PARD6G: variants seen among roughly 807,000 people sequenced by gnomAD.
PARD6G encodes the protein partitioning defective 6 homolog gamma.
Under a neutral mutation model 10.7 loss-of-function variants are expected in PARD6G, and 7 were observed. The observed-to-expected ratio is 0.66, with a 90% CI of 0.37 to 1.23. PARD6G has a LOEUF of 1.23. Among genes scored for constraint, PARD6G ranks in the 50% most tolerant of loss-of-function variants. PARD6G has a pLI of 0.02. For missense variants in PARD6G, 548 were observed against 571.8 expected (o/e 0.96, Z 0.42); for synonymous variants, 287 against 269.4 (o/e 1.07, Z -0.64).
Position 80,192,465 on chromosome 18 carries a change from G to C in PARD6G, c.295+10245C>G, listed in dbSNP as rs1045379322. Among the ~76,000 whole-genome samples, 3 of 150,198 alleles carry C rather than the reference G, an allele frequency of 2.0e-5. No individual in the cohort carries two copies. The highest frequency in any genetic ancestry group is 4.4e-5 in the Non-Finnish European group (3 of 67,438). On this transcript the variant is annotated intron_variant, in intron 2 of 2. Transcript: ENST00000353265. This position sits in a 1 kb window ranked among gnomAD's most constrained non-coding sequence, Gnocchi z 4.9. Reference sequence around the variant, plus strand: ...AGCAGGTGCCACGGCGGGAGCCCAGGGGACGGGGGAGAGCAGGTGCCACGG... The same window carrying C: ...AGCAGGTGCCACGGCGGGAGCCCAGCGGACGGGGGAGAGCAGGTGCCACGG...
At chr18:80,223,210 T>C (rs975904161) in intron 1 of PARD6G, among the ~76,000 whole-genome samples, 2 of 152,132 alleles carry the variant, frequency 1.3e-5, no homozygotes, top group African/African-American at 4.8e-5. Flanking sequence ...AGTTAGGCAA[T>C]AATTTCTTAA....
chr18:80,216,529 A>C (rs1001756510), intron 1 of PARD6G, among the ~76,000 whole-genome samples: 1 of 152,194 alleles, frequency 6.6e-6, no homozygotes. Flanking sequence ...TATGGAATTA[A>C]AAAGAAATCA....
At chr18:80,220,258 T>A (rs917446717) in intron 1 of PARD6G, among the ~76,000 whole-genome samples, 2 of 152,150 alleles carry the variant, frequency 1.3e-5, no homozygotes, top group African/African-American at 4.8e-5. Context: ...AAAAACAGCA[T>A]AGAGGTAACT....
intron 2 of PARD6G, among the ~76,000 whole-genome samples, chr18:80,174,791 A>G (rs1235781663): frequency 1.3e-5 from 2 of 152,030 alleles, no homozygotes; most frequent in Admixed American, 6.6e-5. Context: ...CGTCTCTACT[A>G]AAAATACAAA....
rs1476022848 is a variant in PARD6G at position 80,184,463 on chromosome 18, G to A, written c.295+18247C>T. 1.3e-5 allele frequency: 2 copies of A among 152,394 alleles called. No homozygotes were observed. The highest frequency in any genetic ancestry group is 1.3e-4 in the Admixed American group (2 of 15,290). 9.4% of individuals were successfully genotyped at this position (152,394 alleles called of 1,614,324 possible). ...GGGGTCTCAGCCACAGAGGGAGCAAGGCCGTGAAACCTGCAGCGGGAGCAA... is the reference window on the plus strand; with the variant it reads ...GGGGTCTCAGCCACAGAGGGAGCAAAGCCGTGAAACCTGCAGCGGGAGCAA... On this transcript the variant is annotated intron_variant, in intron 2 of 2. Coordinates refer to ENST00000353265, the MANE Select transcript of PARD6G (RefSeq NM_032510.4). This position sits in a 1 kb window ranked among gnomAD's most constrained non-coding sequence, Gnocchi z 4.5.
At chr18:80,217,223 T>C (rs1599869037) in intron 1 of PARD6G, among the ~76,000 whole-genome samples, 1 of 152,214 alleles carries the variant, frequency 6.6e-6, no homozygotes, top group East Asian at 1.9e-4. Context: ...TAATTCAAAG[T>C]ACAAATAAAA....
chr18:80,220,098 C>A (rs546520376), intron 1 of PARD6G, among the ~76,000 whole-genome samples: 1 of 152,240 alleles, frequency 6.6e-6, no homozygotes, highest in South Asian at 2.1e-4. Context: ...TTCTGCAAGG[C>A]TGGGGAGGCC....
intron 1 of PARD6G, among the ~76,000 whole-genome samples, chr18:80,221,220 C>A (rs1344480979): frequency 6.6e-6 from 1 of 152,128 alleles, no homozygotes; most frequent in Admixed American, 6.5e-5. Context: ...ATGAGGTCAG[C>A]TTTCACCTGA....
Position 80,161,707 on chromosome 18 carries a change from A to C in PARD6G, c.296-1101T>G, listed in dbSNP as rs891498160. 2.6e-5 allele frequency: 4 copies of C among 152,238 alleles called. No homozygotes were observed. Among genetic ancestry groups the C allele is most frequent in the Non-Finnish European group, 5.9e-5 (4 of 68,070 alleles). 9.4% of individuals were successfully genotyped at this position (152,238 alleles called of 1,614,324 possible). A position where few individuals can be genotyped will look rare whatever the true frequency, so the allele number is the denominator to read the frequency against. Reference sequence around the variant, plus strand: ...GTCCTGTGGAGTTGGTGGCATCCACAGCAGCCTGCTCTTTGGGCTGGGGAG... The same window carrying C: ...GTCCTGTGGAGTTGGTGGCATCCACCGCAGCCTGCTCTTTGGGCTGGGGAG... On this transcript the variant is annotated intron_variant, in intron 2 of 2. Coordinates refer to ENST00000353265, the MANE Select transcript of PARD6G (RefSeq NM_032510.4). The surrounding 1 kb of genome is among the most constrained non-coding windows in gnomAD (Gnocchi z 4.6).
In PARD6G at chr18:80,189,840, G is replaced by A. The variant is rs940141561; in HGVS notation, c.295+12870C>T. 6.6e-6 allele frequency among the ~76,000 whole-genome samples: 1 copy of A among 152,178 alleles called. No homozygotes were observed. Among genetic ancestry groups the A allele is most frequent in the Non-Finnish European group, 1.5e-5 (1 of 68,038 alleles). ...GAGGCTCAAAGGCAAATGAAATACTGCTGTCAGAAGAATTTTTAAACAGCT... is the reference window on the plus strand; with the variant it reads ...GAGGCTCAAAGGCAAATGAAATACTACTGTCAGAAGAATTTTTAAACAGCT... On this transcript the variant is annotated intron_variant, in intron 2 of 2. Transcript: ENST00000353265. The surrounding 1 kb of genome is among the most constrained non-coding windows in gnomAD (Gnocchi z 5.5).
intron 1 of PARD6G, among the ~76,000 whole-genome samples, chr18:80,226,457 C>T (rs1296440166): frequency 1.3e-5 from 2 of 152,142 alleles, no homozygotes; most frequent in African/African-American, 4.8e-5. Context: ...AGGCTTGAGA[C>T]TTAGCTTTTA....
At position 80,200,945 on chromosome 18, in the gene PARD6G, A is replaced by T. The variant is rs1967001679; in HGVS notation, c.295+1765T>A. On this transcript the variant is annotated intron_variant, in intron 2 of 2. Transcript: ENST00000353265. This position sits in a 1 kb window ranked among gnomAD's most constrained non-coding sequence, Gnocchi z 4.4. The stretch of plus-strand genomic sequence containing the variant: ...GCTCCACAGTCAGCGGGACAAAAAG[A>T]CTTGTTTCCTGCACGATGGGCAACA... 6.6e-6 allele frequency among the ~76,000 whole-genome samples: 1 copy of T among 152,182 alleles called. No homozygotes were observed. Among genetic ancestry groups the T allele is most frequent in the Non-Finnish European group, 1.5e-5 (1 of 68,036 alleles).
rs985285540 is a variant in PARD6G at position 80,247,108 on chromosome 18, C to T, written c.72+169G>A. On this transcript the variant is annotated intron_variant, in intron 1 of 2. Coordinates refer to ENST00000353265, the MANE Select transcript of PARD6G (RefSeq NM_032510.4). This position sits in a 1 kb window ranked among gnomAD's most constrained non-coding sequence, Gnocchi z 4.2. ...GTGTCCGCGCGGGGGGCGGGAAGGA[C>T]GGCCGGGGTCCCCAGTGCGCGTCCC... Among the ~76,000 whole-genome samples the T allele has an allele frequency of 6.6e-6, 1 of 152,020 alleles. No individual in the cohort carries two copies. The highest frequency in any genetic ancestry group is 2.4e-5 in the African/African-American group (1 of 41,410).
intron 2 of PARD6G, among the ~76,000 whole-genome samples, chr18:80,196,752 G>A (rs1966959463): frequency 1.3e-5 from 2 of 152,086 alleles, no homozygotes; most frequent in South Asian, 4.2e-4. Flanking sequence ...GGGGGCCTCT[G>A]GCTCTGTTTC....
intron 2 of PARD6G, among the ~76,000 whole-genome samples, chr18:80,199,408 G>A (rs188769417): frequency 2.0e-5 from 3 of 152,130 alleles, no homozygotes; most frequent in Non-Finnish European, 4.4e-5. Flanking sequence ...ACGCACATGC[G>A]CACACTTTTT....
rs532571878 is a variant in PARD6G, at chr18:80,198,262, C to T, written c.295+4448G>A. Among the ~76,000 whole-genome samples, 58 of 152,310 alleles carry T rather than the reference C, an allele frequency of 3.8e-4. No individual in the cohort carries two copies. The South Asian group carries it at 0.012, about 30-fold the overall frequency. ...CTGGTATAAGCCGAGAGCCCTTTAG[C>T]AATCTGATGATGCTAGGGAACACCT... is the stretch of plus-strand genomic sequence containing the variant. On this transcript the variant is annotated intron_variant, in intron 2 of 2. Coordinates refer to ENST00000353265, the MANE Select transcript of PARD6G (RefSeq NM_032510.4).
At chr18:80,194,475 C>T (rs552409804) in intron 2 of PARD6G, among the ~76,000 whole-genome samples, 43 of 152,170 alleles carry the variant, frequency 2.8e-4, no homozygotes, top group Middle Eastern at 3.4e-3. Context: ...GAGAGTCACA[C>T]GATAATTTTA....
chr18:80,190,518 C>T (rs1406861609), intron 2 of PARD6G, among the ~76,000 whole-genome samples: 1 of 152,224 alleles, frequency 6.6e-6, no homozygotes, highest in East Asian at 1.9e-4. Context: ...GAGCACACAG[C>T]TGCTTCTCCA....
intron 2 of PARD6G, among the ~76,000 whole-genome samples, chr18:80,165,527 A>T (rs1478462837): frequency 1.3e-5 from 2 of 150,312 alleles, no homozygotes; most frequent in Non-Finnish European, 3.0e-5. Context: ...GGTGACGTAT[A>T]TCCTCAGCTT....
Sources: allele counts gnomAD v4.1 joint callset (sites outside exome capture counted in the v4.1 genomes callset), GRCh38; gene constraint gnomAD v4.1.1; non-coding constraint Gnocchi (gnomAD v3.1); transcripts MANE v1.5; gene names NCBI Gene and HGNC (gene_info 2026-07-23, HGNC 2026-07-21).